Variants in STAB2 observed in about 807,000 individuals in gnomAD.
STAB2 encodes the protein stabilin 2, also known as stabilin-2.
Under a neutral mutation model 338.1 loss-of-function variants are expected in STAB2, and 288 were observed. The ratio of observed to expected loss-of-function variants is 0.85; its 90% CI spans 0.77 to 0.94. The LOEUF (loss-of-function observed/expected upper bound fraction) is 0.94, where lower values mean the gene tolerates loss of function less well. Among genes scored for constraint, STAB2 ranks in the 40% least tolerant of loss-of-function variants. STAB2 has a pLI of 0.00. For synonymous variants in STAB2, 1,202 were observed against 1,193.3 expected (o/e 1.01, Z -0.15); for missense variants, 3,141 against 3,210.1 (o/e 0.98, Z 0.52).
At chr12:103,765,318 G>C (rs1320663854) in intron 68 of STAB2, among the ~76,000 whole-genome samples, 1 of 152,110 alleles carries the variant, frequency 6.6e-6, no homozygotes, top group Non-Finnish European at 1.5e-5. Context: ...CTAAATGCAG[G>C]ATTCAGCTAA....
intron 5 of STAB2, 83 bp from the exon 6 acceptor site, chr12:103,631,515 G>T: frequency 7.5e-7 from 1 of 1,332,086 alleles, no homozygotes; most frequent in East Asian, 2.3e-5. Context: ...TCTCAGCAAA[G>T]ATGATCTAAA....
chr12:103,635,251 A>G (rs758067784), intron 6 of STAB2, among the ~76,000 whole-genome samples: 7 of 152,114 alleles, frequency 4.6e-5, no homozygotes, highest in Non-Finnish European at 7.4e-5. Context: ...CTCCAAAGCC[A>G]CCCTTTTTGC....
chr12:103,660,889 A>G (rs2138769161), intron 17 of STAB2, 126 bp downstream of exon 17: 3 of 1,037,556 alleles, frequency 2.9e-6, no homozygotes, highest in Admixed American at 1.9e-5. Flanking sequence ...TATTTCATTC[A>G]TTTGCTCACT....
chr12:103,684,907 A>G, intron 26 of STAB2, 82 bp from the exon 27 acceptor site: 15 of 1,382,532 alleles, frequency 1.1e-5, no homozygotes, highest in East Asian at 2.3e-5. Flanking sequence ...ATCACCTTAG[A>G]TGGAGCCTGT....
intron 5 of STAB2, among the ~76,000 whole-genome samples, chr12:103,623,084 T>C (rs1957327725): frequency 6.6e-6 from 1 of 152,200 alleles, no homozygotes; most frequent in African/African-American, 2.4e-5. Context: ...AGTAGTTAGT[T>C]TATTTGAATG....
Position 103,620,546 on chromosome 12 carries a change from C to A in STAB2, c.410C>A (p.Ser137Tyr), listed in dbSNP as rs549519624. ...GGCATGGAAGGAAATGGAACCTGCTCCTGCCAAGTAAGTTCAAAAATGTGT... is the reference window on the plus strand; with the variant it reads ...GGCATGGAAGGAAATGGAACCTGCTACTGCCAAGTAAGTTCAAAAATGTGT... ...AEGMEGNGTC[S>Y]CQEGFGGTAC... Residue 137 changes from serine (S) to tyrosine (Y), a missense_variant, in exon 4 of 69, where the codon TCC (serine) becomes TAC (tyrosine). Coordinates refer to ENST00000388887, the MANE Select transcript of STAB2 (RefSeq NM_017564.10). 2.5e-5 allele frequency: 39 copies of A among 1,564,418 alleles called. No homozygotes were observed. The highest frequency in any genetic ancestry group is 1.7e-6 in the Non-Finnish European group (2 of 1,153,266).
At chr12:103,725,187 A>T in intron 45 of STAB2, 93 bp downstream of exon 45, 1 of 1,529,094 alleles carries the variant, frequency 6.5e-7, no homozygotes, top group Admixed American at 2.0e-5. Flanking sequence ...GCTTGGTGAA[A>T]TGTAAAGCGC....
intron 16 of STAB2, 26 bp downstream of exon 16, chr12:103,660,410 C>G: frequency 6.2e-7 from 1 of 1,613,118 alleles, no homozygotes; most frequent in South Asian, 1.1e-5. Context: ...CCTGCTGCTA[C>G]TTTCTCTCTG....
intron 68 of STAB2, among the ~76,000 whole-genome samples, chr12:103,765,079 T>G (rs1173318875): frequency 1.1e-5 from 1 of 91,490 alleles, no homozygotes; most frequent in Non-Finnish European, 1.9e-5. Context: ...AGAGCAAGAC[T>G]CTGTCTCAAA....
At chr12:103,688,044 C>A in intron 27 of STAB2, 124 bp from the exon 28 acceptor site, 3 of 888,034 alleles carry the variant, frequency 3.4e-6, no homozygotes, top group Non-Finnish European at 5.5e-6. Flanking sequence ...GCCAGGACAA[C>A]GAGCCTAGCC....
rs527425197 is a variant in STAB2 at position 103,654,631 on chromosome 12, A to G, written c.1484A>G (p.Asn495Ser). 1.1e-5 allele frequency: 18 copies of G among 1,614,106 alleles called. No homozygotes were observed. Among genetic ancestry groups the G allele is most frequent in the Non-Finnish European group, 1.4e-5 (16 of 1,180,036 alleles). The part of the protein sequence containing the change: ...KIIQGDIIAS[N>S]GLLHILDRAM... ...ATACAAGGGGACATCATTGCTTCCA[A>G]TGGGCTTCTGCACATCCTTGACAGA... Residue 495 changes from asparagine (N) to serine (S), a missense_variant, in exon 13 of 69, where the codon AAT becomes AGT. Physicochemically the swap from Asn to Ser is conservative, Grantham distance 46. Transcript: ENST00000388887.
intron 45 of STAB2, 136 bp from the exon 46 acceptor site, chr12:103,725,980 A>G (rs1048584737): frequency 1.6e-5 from 12 of 756,842 alleles, no homozygotes; most frequent in Non-Finnish European, 2.4e-5. Context: ...TTGTCAGCCT[A>G]CAGATGAAGC....
At position 103,733,032 on chromosome 12, in the gene STAB2, C is replaced by T. The variant is rs34699746; in HGVS notation, c.5310C>T (p.Thr1770=). Residue 1770 remains threonine (T), a synonymous_variant, in exon 51 of 69, where the codon ACC becomes ACT. Coordinates refer to ENST00000388887, the MANE Select transcript of STAB2 (RefSeq NM_017564.10). ...ACTCAGGTTTGCTGAGTGTCATCAC[C>T]GATCCCATCCACACCCCAGTCACTC... ...IQDSGLLSVI[T]DPIHTPVTLF... 6,617 of 1,613,922 alleles carry T rather than the reference C, an allele frequency of 4.1e-3. 14 individuals carry two copies. The highest frequency in any genetic ancestry group is 5.0e-3 in the Non-Finnish European group (5,867 of 1,179,928).
At chr12:103,710,881 TTGTCC>T (rs1879791518) in intron 39 of STAB2, among the ~76,000 whole-genome samples, 1 of 152,212 alleles carries the variant, frequency 6.6e-6, no homozygotes, top group Non-Finnish European at 1.5e-5. Flanking sequence ...CTTCTGGATC[TTGTCC>T]TGTCAAGAAA....
chr12:103,603,269 A>C (rs1031111811), intron 3 of STAB2, among the ~76,000 whole-genome samples: 1 of 152,108 alleles, frequency 6.6e-6, no homozygotes, highest in Non-Finnish European at 1.5e-5. Flanking sequence ...ACGGGGTTTC[A>C]TCATGTTAGC....
intron 6 of STAB2, among the ~76,000 whole-genome samples, chr12:103,634,926 G>C (rs1383334479): frequency 6.6e-6 from 1 of 152,238 alleles, no homozygotes; most frequent in East Asian, 1.9e-4. Context: ...GAGTGAACTA[G>C]TCACGTGATC....
chr12:103,698,167 G>T (rs1216657176), intron 33 of STAB2, among the ~76,000 whole-genome samples: 3 of 152,096 alleles, frequency 2.0e-5, no homozygotes, highest in Non-Finnish European at 4.4e-5. Flanking sequence ...CTTCTCATTG[G>T]CAGACCCTAA....
intron 23 of STAB2, 44 bp from the exon 24 acceptor site, chr12:103,675,884 T>C (rs746765303): frequency 3.3e-6 from 5 of 1,518,242 alleles, no homozygotes; most frequent in Middle Eastern, 1.7e-4. Flanking sequence ...TTCTGGGTCG[T>C]TGGTGCTTAT....
intron 3 of STAB2, among the ~76,000 whole-genome samples, chr12:103,618,104 C>G (rs904230392): frequency 6.6e-6 from 1 of 152,188 alleles, no homozygotes; most frequent in Non-Finnish European, 1.5e-5. Flanking sequence ...TTAGAAGTCT[C>G]TTTCTTCAAG....
Sources: allele counts gnomAD v4.1 joint callset (sites outside exome capture counted in the v4.1 genomes callset), GRCh38; gene constraint gnomAD v4.1.1; transcripts MANE v1.5; gene names NCBI Gene and HGNC (gene_info 2026-07-23, HGNC 2026-07-21).